The following AKAP6 variants were observed in gnomAD, a reference collection of about 807,000 sequenced individuals.
The protein encoded by AKAP6 is A-kinase anchoring protein 6.
A neutral mutation model predicts 188.5 loss-of-function variants in AKAP6; 58 were observed. That is an observed-to-expected ratio of 0.31 (90% CI 0.25 to 0.38). The LOEUF (loss-of-function observed/expected upper bound fraction) is 0.38, where lower values mean the gene tolerates loss of function less well. Ranked by LOEUF, AKAP6 falls within the 10% of genes least tolerant of loss-of-function variation. The pLI is 1.00. For missense variants in AKAP6, 2,710 were observed against 2,740.0 expected (o/e 0.99, Z 0.24); for synonymous variants, 989 against 998.6 (o/e 0.99, Z 0.18).
chr14:32,724,355 G>A (rs757851598), intron 9 of AKAP6, among the ~76,000 whole-genome samples: 63 of 152,170 alleles, frequency 4.1e-4, no homozygotes, highest in Non-Finnish European at 6.6e-4. Context: ...AAAACTCTCC[G>A]TGCTTCTAAA....
chr14:32,749,271 C>T (rs879456817), intron 11 of AKAP6, among the ~76,000 whole-genome samples: 2 of 152,048 alleles, frequency 1.3e-5, no homozygotes, highest in African/African-American at 2.4e-5. Flanking sequence ...TAAGAGCTAC[C>T]TTTTTCCATT....
At chr14:32,760,805 G>A (rs930212980) in intron 11 of AKAP6, among the ~76,000 whole-genome samples, 2 of 152,160 alleles carry the variant, frequency 1.3e-5, no homozygotes, top group African/African-American at 2.4e-5. Flanking sequence ...CCTTTTCACA[G>A]GGTTGAAATA....
chr14:32,778,422 G>A (rs182096038), intron 12 of AKAP6, among the ~76,000 whole-genome samples: 68 of 150,872 alleles, frequency 4.5e-4, no homozygotes, highest in Middle Eastern at 3.5e-3. Flanking sequence ...CAACGGCCAG[G>A]AACTATGTGG....
intron 11 of AKAP6, among the ~76,000 whole-genome samples, chr14:32,750,651 A>G (rs2032089171): frequency 2.6e-5 from 4 of 151,330 alleles, no homozygotes; most frequent in African/African-American, 9.7e-5. Context: ...AGATTGCTTC[A>G]CCCCAGGGGT....
intron 2 of AKAP6, among the ~76,000 whole-genome samples, chr14:32,478,292 T>C (rs369652343): frequency 2.6e-4 from 39 of 152,286 alleles, no homozygotes; most frequent in African/African-American, 8.4e-4. Context: ...ATCAGATGTG[T>C]CAGGAAGACA....
chr14:32,393,301 A>G (rs1456733301), intron 1 of AKAP6, among the ~76,000 whole-genome samples: 1 of 152,176 alleles, frequency 6.6e-6, no homozygotes, highest in Admixed American at 6.6e-5. Flanking sequence ...GATTTTAATC[A>G]TGAGCAAAGA....
chr14:32,368,103 GTC>G (rs141495689), intron 1 of AKAP6, among the ~76,000 whole-genome samples: 58 of 149,092 alleles, frequency 3.9e-4, no homozygotes, highest in African/African-American at 8.3e-4. Context: ...CCCTCCCTCT[GTC>G]TCTCTCTCTC....
chr14:32,431,726 C>A (rs1890233170), intron 1 of AKAP6, among the ~76,000 whole-genome samples: 1 of 152,168 alleles, frequency 6.6e-6, no homozygotes, highest in Non-Finnish European at 1.5e-5. Context: ...GTTGGCTAGG[C>A]AGGCCTCGAA....
intron 2 of AKAP6, among the ~76,000 whole-genome samples, chr14:32,454,653 CTCTCTCCTTCCCTCCTTCCCTCCT>C (rs1891061638): frequency 1.4e-5 from 1 of 69,972 alleles, no homozygotes; most frequent in African/African-American, 2.1e-4. Flanking sequence ...CCCTCCTTCC[CTCTCTCCTTCCCTCCTTCCCTCCT>C]TCCCTCCTTC....
At chr14:32,460,894 C>G (rs1011683305) in intron 2 of AKAP6, among the ~76,000 whole-genome samples, 9 of 152,312 alleles carry the variant, frequency 5.9e-5, no homozygotes, top group South Asian at 2.1e-4. Context: ...GGAGGGGCAT[C>G]CACCATTACT....
rs1004677097 is a variant in AKAP6 at position 32,341,240 on chromosome 14, G to C, written c.-35+11832G>C. ...TATTTTTGCTGTTAATGAGTTGGGTGAAGTATTTGGTTCCCCTCTACCCTT... is the reference window on the plus strand; with the variant it reads ...TATTTTTGCTGTTAATGAGTTGGGTCAAGTATTTGGTTCCCCTCTACCCTT... On this transcript the variant is annotated intron_variant, in intron 1 of 13. Transcript: ENST00000280979. 3.9e-5 allele frequency among the ~76,000 whole-genome samples: 6 copies of C among 152,268 alleles called. No homozygotes were observed. In the South Asian group the frequency reaches 1.2e-3, roughly 32 times the overall value.
chr14:32,790,056 A>T (rs1221324902), intron 12 of AKAP6, among the ~76,000 whole-genome samples: 1 of 152,252 alleles, frequency 6.6e-6, no homozygotes, highest in Middle Eastern at 3.2e-3. Flanking sequence ...AAAACACAAC[A>T]TGATAACTTC....
Position 32,823,290 on chromosome 14 carries a change from AG to A in AKAP6, c.5480del (p.Gly1827AlafsTer5). The A allele has an allele frequency of 6.2e-7, 1 of 1,613,842 alleles. No homozygotes were observed. The highest frequency in any genetic ancestry group is 8.5e-7 in the Non-Finnish European group (1 of 1,179,912). ...AGGTGCAATGTCAGTGATGAGATGA[AG>A]GGCAGTAAAGATATAAGTAGCAGTG... is the stretch of plus-strand genomic sequence containing the variant. Reference protein sequence around the residue: ...KKRCNVSDEMKGSKDISSSEM... With the variant: ...KKRCNVSDEMXGSKDISSSEM... On this transcript the variant is annotated frameshift_variant, in exon 13 of 14. Transcript: ENST00000280979. LOFTEE classifies it high-confidence loss of function.
chr14:32,759,103 A>G (rs541831115), intron 11 of AKAP6, among the ~76,000 whole-genome samples: 1 of 152,358 alleles, frequency 6.6e-6, no homozygotes, highest in African/African-American at 2.4e-5. Context: ...TCTGGGAAAA[A>G]AAATGGCCTA....
intron 2 of AKAP6, among the ~76,000 whole-genome samples, chr14:32,520,881 C>A (rs887207081): frequency 1.4e-4 from 22 of 151,900 alleles, no homozygotes; most frequent in African/African-American, 4.6e-4. Context: ...GCCTGGCAGA[C>A]ACAACAAAAA....
At position 32,546,124 on chromosome 14, in the gene AKAP6, G is replaced by A. The variant is rs1883185571; in HGVS notation, c.1471G>A (p.Glu491Lys). The change falls in exon 4 of 14, where the codon GAG becomes AAG. Residue 491 changes from glutamate to lysine, a missense_variant. Physicochemically the swap from Glu to Lys is moderately conservative, Grantham distance 56. Around this residue, in one of 2 missense-constraint regions of AKAP6, gnomAD observed 2,473 missense variants for 2,426.1 expected, o/e 1.02. Coordinates refer to ENST00000280979, the MANE Select transcript of AKAP6 (RefSeq NM_004274.5). ...GGGAAGGCTTAACGACTGCTATAAA[G>A]AGAAATCTCGACTTAAAAAGCCACA... ...SLGRLNDCYKEKSRLKKPHKT... is the reference protein window; with the variant it reads ...SLGRLNDCYKKKSRLKKPHKT... The A allele has an allele frequency of 6.2e-7, 1 of 1,613,810 alleles. No individual in the cohort carries two copies. The highest frequency in any genetic ancestry group is 1.3e-5 in the African/African-American group (1 of 74,862).
At chr14:32,726,149 C>T in intron 9 of AKAP6, 1 of 978,494 alleles carries the variant, frequency 1.0e-6, no homozygotes, top group Non-Finnish European at 1.2e-6. Context: ...TTTTACACAC[C>T]ATAGACTTTT....
chr14:32,533,713 A>G (rs1458096775), intron 2 of AKAP6, among the ~76,000 whole-genome samples: 1 of 152,148 alleles, frequency 6.6e-6, no homozygotes, highest in Non-Finnish European at 1.5e-5. Flanking sequence ...TGGGGAATAC[A>G]TGAAGTAGGT....
intron 9 of AKAP6, among the ~76,000 whole-genome samples, chr14:32,709,331 T>C (rs1192990809): frequency 6.6e-6 from 1 of 151,834 alleles, no homozygotes; most frequent in Non-Finnish European, 1.5e-5. Context: ...TTTTTTAATC[T>C]GAAGTGAATA....
Sources: gnomAD v4.1 joint callset for allele counts (sites outside exome capture counted in the v4.1 genomes callset) on GRCh38, gnomAD v4.1.1 for gene constraint, gnomAD v4.1.1 regional missense constraint, MANE v1.5 for transcripts, NCBI Gene and HGNC (gene_info 2026-07-23, HGNC 2026-07-21) for gene names.